Variants in SNX10 observed in about 807,000 individuals in gnomAD.
SNX10 encodes the protein sorting nexin 10.
Under a neutral mutation model 28.5 loss-of-function variants are expected in SNX10, and 25 were observed. The ratio of observed to expected loss-of-function variants is 0.88; its 90% CI spans 0.64 to 1.22. The LOEUF is 1.22. SNX10 is among the 50% of genes most tolerant of loss of function. The pLI, the probability that SNX10 is intolerant of heterozygous loss-of-function variation, is 0.00. For missense variants in SNX10, 223 were observed against 242.6 expected (o/e 0.92, Z 0.54); for synonymous variants, 62 against 81.4 (o/e 0.76, Z 1.28).
At chr7:26,301,225 T>C (rs976353579) in intron 1 of SNX10, among the ~76,000 whole-genome samples, 1 of 152,174 alleles carries the variant, frequency 6.6e-6, no homozygotes, top group Admixed American at 6.5e-5. Context: ...CCAGATCTTA[T>C]GTTACTCATT....
chr7:26,352,396 C>T (rs1461836702), intron 2 of SNX10, among the ~76,000 whole-genome samples: 1 of 152,108 alleles, frequency 6.6e-6, no homozygotes, highest in Admixed American at 6.5e-5. Flanking sequence ...ACATTCCACC[C>T]TATGCAATGG....
chr7:26,338,502 C>T (rs1485874725), intron 1 of SNX10, among the ~76,000 whole-genome samples: 1 of 152,052 alleles, frequency 6.6e-6, no homozygotes, highest in Admixed American at 6.6e-5. Context: ...TCTTGGTTCA[C>T]GCCATTCTCC....
chr7:26,366,430 A>G (rs1789290443), intron 5 of SNX10, among the ~76,000 whole-genome samples: 1 of 152,234 alleles, frequency 6.6e-6, no homozygotes, highest in Non-Finnish European at 1.5e-5. Context: ...AAACATGGCA[A>G]GAGACCAGAA....
At chr7:26,329,857 G>A (rs1031721949) in intron 1 of SNX10, among the ~76,000 whole-genome samples, 1 of 152,198 alleles carries the variant, frequency 6.6e-6, no homozygotes, top group South Asian at 2.1e-4. Flanking sequence ...CAGGTTCAGG[G>A]CCCTGAGATA....
intron 1 of SNX10, among the ~76,000 whole-genome samples, chr7:26,331,664 A>G (rs1237957288): frequency 1.3e-5 from 2 of 152,250 alleles, no homozygotes; most frequent in East Asian, 1.9e-4. Flanking sequence ...AGATATGTGC[A>G]CTTATCACCA....
intron 5 of SNX10, among the ~76,000 whole-genome samples, chr7:26,366,067 C>T (rs1655504301): frequency 6.6e-6 from 1 of 152,100 alleles, no homozygotes; most frequent in East Asian, 1.9e-4. Flanking sequence ...CTTTTGCTTT[C>T]CTAATTTCCA....
chr7:26,330,353 G>A (rs2128004291), intron 1 of SNX10, among the ~76,000 whole-genome samples: 1 of 152,192 alleles, frequency 6.6e-6, no homozygotes, highest in South Asian at 2.1e-4. Context: ...GTACTTCTTG[G>A]TAGGTTATTG....
chr7:26,319,909 C>T (rs1787242382), intron 1 of SNX10, among the ~76,000 whole-genome samples: 1 of 151,670 alleles, frequency 6.6e-6, no homozygotes, highest in African/African-American at 2.4e-5. Flanking sequence ...AAGTGTGGGG[C>T]TCTTCTTTAT....
At chr7:26,360,820 T>C in intron 2 of SNX10, 155 bp from the exon 3 acceptor site, 1 of 1,451,372 alleles carries the variant, frequency 6.9e-7, no homozygotes, top group Non-Finnish European at 9.0e-7. Context: ...TGGTGCCTGA[T>C]TCATTAACTT....
At chr7:26,368,034 T>G (rs923770034) in intron 5 of SNX10, among the ~76,000 whole-genome samples, 3 of 152,236 alleles carry the variant, frequency 2.0e-5, no homozygotes, top group Non-Finnish European at 4.4e-5. Context: ...GATACATATG[T>G]AATAAGAAAG....
At chr7:26,371,734 G>C (rs532406578) in intron 5 of SNX10, 87 bp from the exon 6 acceptor site, 36 of 909,118 alleles carry the variant, frequency 4.0e-5, no homozygotes, top group Non-Finnish European at 6.0e-5. Flanking sequence ...ATTACCTTCA[G>C]TGGTACTTTT....
At chr7:26,327,814 C>T (rs1354861129) in intron 1 of SNX10, among the ~76,000 whole-genome samples, 1 of 144,838 alleles carries the variant, frequency 6.9e-6, no homozygotes, top group Non-Finnish European at 1.5e-5. Context: ...ACTGCAAGCT[C>T]CGCCTCCCGG....
intron 3 of SNX10, among the ~76,000 whole-genome samples, chr7:26,362,853 C>G (rs1181021004): frequency 6.6e-6 from 1 of 152,170 alleles, no homozygotes; most frequent in Non-Finnish European, 1.5e-5. Context: ...AAATACTCCC[C>G]TGAACCTGCC....
chr7:26,371,386 A>G (rs1789526366), intron 5 of SNX10, among the ~76,000 whole-genome samples: 1 of 152,180 alleles, frequency 6.6e-6, no homozygotes, highest in South Asian at 2.1e-4. Context: ...TTTTCTTCAT[A>G]TAATTTTTAA....
At chr7:26,306,908 C>T (rs371121823) in intron 1 of SNX10, among the ~76,000 whole-genome samples, 5 of 152,174 alleles carry the variant, frequency 3.3e-5, no homozygotes, top group African/African-American at 9.7e-5. Context: ...GATGAGAACA[C>T]TGAAGCACAG....
In SNX10 at chr7:26,364,252, A is replaced by C. The variant is rs1789202394; in HGVS notation, c.112-283A>C. ...TTTTTTATGATTTATTCTTGAAAGC[A>C]GTGCTCATAGGTGAGTAGGAGGCTC... On this transcript the variant is annotated intron_variant, in intron 3 of 6. Transcript: ENST00000338523. The surrounding 1 kb of genome is among the most constrained non-coding windows in gnomAD (Gnocchi z 4.9). The C allele has an allele frequency of 2.6e-5, 21 of 797,948 alleles. No individual in the cohort carries two copies. The highest frequency in any genetic ancestry group is 2.9e-5 in the Non-Finnish European group (18 of 628,130). The allele number at this position is 797,948 out of a possible 1,614,324, so 49.4% of individuals were successfully genotyped here. A position where few individuals can be genotyped will look rare whatever the true frequency, so the allele number is the denominator to read the frequency against.
chr7:26,320,721 C>T (rs146914952), intron 1 of SNX10, among the ~76,000 whole-genome samples: 38 of 152,248 alleles, frequency 2.5e-4, no homozygotes, highest in Admixed American at 5.9e-4. Context: ...CATGAGCCAC[C>T]GCACCCAGCC....
intron 1 of SNX10, among the ~76,000 whole-genome samples, chr7:26,340,039 T>A (rs1788121959): frequency 1.3e-5 from 2 of 152,238 alleles, no homozygotes; most frequent in Non-Finnish European, 2.9e-5. Flanking sequence ...ACCATACTTG[T>A]TATTCCTTAT....
chr7:26,322,835 C>T lies in SNX10; in HGVS notation c.-23-23585C>T, dbSNP rs541127811. ...TGCCCACCTGCGATTATGTGCCGAG[C>T]ACTGGGGCACTGCAGTGAAAAGCAA... On this transcript the variant is annotated intron_variant, in intron 1 of 6. Coordinates refer to ENST00000338523, the MANE Select transcript of SNX10 (RefSeq NM_013322.3). Among the ~76,000 whole-genome samples, 3 of 152,286 alleles carry T rather than the reference C, an allele frequency of 2.0e-5. No homozygotes were observed. The South Asian group carries it at 6.2e-4, about 32-fold the overall frequency.
Sources: allele counts gnomAD v4.1 joint callset (sites outside exome capture counted in the v4.1 genomes callset), GRCh38; gene constraint gnomAD v4.1.1; non-coding constraint Gnocchi (gnomAD v3.1); transcripts MANE v1.5; gene names NCBI Gene and HGNC (gene_info 2026-07-23, HGNC 2026-07-21).